The following ASTN1 variants were observed in gnomAD, a reference collection of about 807,000 sequenced individuals.
ASTN1 encodes astrotactin 1, also known as astrotactin-1.
ASTN1 carries 41 observed loss-of-function variants against 140.7 expected under a neutral mutation model. That is an observed-to-expected ratio of 0.29 (90% CI 0.23 to 0.38). The LOEUF is 0.38. Ranked by LOEUF, ASTN1 falls within the 10% of genes least tolerant of loss-of-function variation. The probability of loss-of-function intolerance (pLI) is 1.00; values close to 1 mark genes in which losing one functional copy is unlikely to be tolerated. For synonymous variants in ASTN1, 640 were observed against 652.2 expected (o/e 0.98, Z 0.29); for missense variants, 1,479 against 1,678.8 (o/e 0.88, Z 2.08).
chr1:177,124,834 T>A (rs1681566572), intron 1 of ASTN1, among the ~76,000 whole-genome samples: 1 of 152,182 alleles, frequency 6.6e-6, no homozygotes, highest in South Asian at 2.1e-4. Context: ...CTGCTTTCAT[T>A]ATCCAAATGC....
chr1:176,942,841 T>C (rs1671789666), intron 14 of ASTN1, among the ~76,000 whole-genome samples: 1 of 71,106 alleles, frequency 1.4e-5, no homozygotes, highest in Non-Finnish European at 3.0e-5. Context: ...TATATGTATA[T>C]ATATATATAT....
In ASTN1 at chr1:176,862,415, G is replaced by A. The variant is rs114704682; in HGVS notation, c.*1869C>T. The A allele has an allele frequency of 8.2e-5, 81 of 985,452 alleles. No homozygotes were observed. The African/African-American group carries it at 1.4e-3, about 17-fold the overall frequency. The allele number at this position is 985,452 out of a possible 1,614,324, so 61.0% of individuals were successfully genotyped here. On this transcript the variant is annotated 3_prime_UTR_variant, in exon 23 of 23. Transcript: ENST00000361833. ...TCCCAAGGGTGCTCTAGCTCCAAAG[G>A]CTAAGGGCGTACTTTCGCCCCTCCT...
intron 11 of ASTN1, among the ~76,000 whole-genome samples, chr1:176,951,418 G>C (rs1274800875): frequency 6.6e-6 from 1 of 152,244 alleles, no homozygotes; most frequent in Non-Finnish European, 1.5e-5. Context: ...TGAATGGGCT[G>C]CACTGGTTGC....
chr1:177,153,603 A>C (rs1683130451), intron 1 of ASTN1, among the ~76,000 whole-genome samples: 2 of 152,188 alleles, frequency 1.3e-5, no homozygotes, highest in African/African-American at 4.8e-5. Context: ...AAAATGATGA[A>C]TACTTCTATA....
intron 8 of ASTN1, among the ~76,000 whole-genome samples, chr1:176,986,870 G>C (rs893421641): frequency 6.6e-6 from 1 of 152,190 alleles, no homozygotes; most frequent in African/African-American, 2.4e-5. Flanking sequence ...CACATGTTAA[G>C]TACTATATAA....
rs140727661 is a variant in ASTN1, at chr1:176,899,365, G to T, written c.2672-4535C>A. Among the ~76,000 whole-genome samples, 5 of 152,302 alleles carry T rather than the reference G, an allele frequency of 3.3e-5. No individual in the cohort carries two copies. The South Asian group carries it at 6.2e-4, about 19-fold the overall frequency. On this transcript the variant is annotated intron_variant, in intron 16 of 22. Coordinates refer to ENST00000361833, the MANE Select transcript of ASTN1 (RefSeq NM_004319.3). Reference sequence around the variant, plus strand: ...AGTGACCGGCCCATTCTCATGCAGGGTCTGCTCTTCTGGTGGTAACTGACA... The same window carrying T: ...AGTGACCGGCCCATTCTCATGCAGGTTCTGCTCTTCTGGTGGTAACTGACA...
chr1:176,893,891 T>A lies in ASTN1; in HGVS notation c.2940+671A>T, dbSNP rs1571469143. Among the ~76,000 whole-genome samples, 4 of 152,304 alleles carry A rather than the reference T, an allele frequency of 2.6e-5. No individual in the cohort carries two copies. In the South Asian group the frequency reaches 8.3e-4, roughly 32 times the overall value. ...GCTGAGCTATGGCTTCTGACACAGT[T>A]CTCCAGCCCTTCTTTTTGGTTCCAT... On this transcript the variant is annotated intron_variant, in intron 17 of 22. Transcript: ENST00000361833.
chr1:176,873,634 T>C (rs1040610207), intron 21 of ASTN1, among the ~76,000 whole-genome samples: 10 of 152,188 alleles, frequency 6.6e-5, no homozygotes, highest in Non-Finnish European at 1.0e-4. Flanking sequence ...ATATGGTATT[T>C]TGGTAGAACT....
intron 20 of ASTN1, 150 bp from the exon 21 acceptor site, chr1:176,876,787 C>T (rs958525284): frequency 4.0e-5 from 29 of 717,968 alleles, no homozygotes; most frequent in Non-Finnish European, 6.4e-5. Flanking sequence ...CTGCCACCAT[C>T]CCAGGCAGAA....
chr1:177,072,613 G>C (rs1004104205), intron 1 of ASTN1, among the ~76,000 whole-genome samples: 3 of 152,156 alleles, frequency 2.0e-5, no homozygotes, highest in Non-Finnish European at 4.4e-5. Context: ...TACATTGACA[G>C]AACAGTTTCT....
intron 1 of ASTN1, among the ~76,000 whole-genome samples, chr1:177,087,418 C>A (rs1484822300): frequency 1.3e-5 from 2 of 152,132 alleles, no homozygotes; most frequent in Admixed American, 1.3e-4. Flanking sequence ...GTGATGCTGA[C>A]CATGAATAGC....
intron 9 of ASTN1, among the ~76,000 whole-genome samples, chr1:176,963,010 G>A (rs934771545): frequency 6.6e-6 from 1 of 152,146 alleles, no homozygotes; most frequent in Non-Finnish European, 1.5e-5. Flanking sequence ...TTTATATTAC[G>A]AGAAAAATGT....
At chr1:177,161,447 T>C (rs566836622) in intron 1 of ASTN1, among the ~76,000 whole-genome samples, 1 of 152,252 alleles carries the variant, frequency 6.6e-6, no homozygotes, top group Non-Finnish European at 1.5e-5. Flanking sequence ...TGTGAGTGTT[T>C]TCTGTTTTAA....
At chr1:177,125,681 A>C (rs1052715405) in intron 1 of ASTN1, among the ~76,000 whole-genome samples, 1 of 152,252 alleles carries the variant, frequency 6.6e-6, no homozygotes, top group African/African-American at 2.4e-5. Flanking sequence ...AATGACACCA[A>C]GTATATTACA....
intron 1 of ASTN1, among the ~76,000 whole-genome samples, chr1:177,136,473 C>T (rs370268588): frequency 6.6e-6 from 1 of 151,598 alleles, no homozygotes; most frequent in East Asian, 1.9e-4. Flanking sequence ...CTGTCTCAGT[C>T]TTCTGAGTAG....
chr1:176,898,175 G>T (rs966140292), intron 16 of ASTN1, among the ~76,000 whole-genome samples: 3 of 152,236 alleles, frequency 2.0e-5, no homozygotes, highest in Admixed American at 6.5e-5. Flanking sequence ...CAAGATTAGG[G>T]AGTAGAGAGG....
intron 8 of ASTN1, among the ~76,000 whole-genome samples, chr1:176,971,720 C>T (rs1673147316): frequency 6.6e-6 from 1 of 152,174 alleles, no homozygotes; most frequent in Non-Finnish European, 1.5e-5. Flanking sequence ...ACCTTGACAT[C>T]ATGACTACTA....
intron 2 of ASTN1, among the ~76,000 whole-genome samples, chr1:177,035,432 A>G (rs1300344594): frequency 4.6e-5 from 7 of 152,264 alleles, no homozygotes; most frequent in Non-Finnish European, 8.8e-5. Context: ...AATTTCAAAT[A>G]TTCAAAATGC....
chr1:177,152,320 A>G (rs1184916854), intron 1 of ASTN1, among the ~76,000 whole-genome samples: 3 of 152,100 alleles, frequency 2.0e-5, no homozygotes, highest in African/African-American at 7.2e-5. Flanking sequence ...AAATGATTTC[A>G]CCAGGTACTG....
Sources: gnomAD v4.1 joint callset for allele counts (sites outside exome capture counted in the v4.1 genomes callset) on GRCh38, gnomAD v4.1.1 for gene constraint, MANE v1.5 for transcripts, NCBI Gene and HGNC (gene_info 2026-07-23, HGNC 2026-07-21) for gene names.